The following CD1B variants were observed in gnomAD, a reference collection of about 807,000 sequenced individuals.
The protein encoded by CD1B is CD1b molecule.
In CD1B, 43 loss-of-function variants were observed where a neutral mutation model predicts 39.8. That is an observed-to-expected ratio of 1.08 (90% confidence interval 0.85 to 1.39). The LOEUF (loss-of-function observed/expected upper bound fraction) is 1.39. Among genes scored for constraint, CD1B ranks in the 40% most tolerant of loss-of-function variants. The pLI, the probability that CD1B is intolerant of heterozygous loss-of-function variation, is 0.00. For synonymous variants in CD1B, 192 were observed against 152.5 expected (o/e 1.26, Z -1.91); for missense variants, 495 against 403.8 (o/e 1.23, Z -1.94).
the CD1B span, among the ~76,000 whole-genome samples, chr1:158,316,974 A>T: frequency 1.3e-5 from 2 of 151,374 alleles, no homozygotes; most frequent in South Asian, 4.2e-4. Flanking sequence ...TGATTTGCGT[A>T]TATTGAACCA....
chr1:158,321,199 T>G, the CD1B span, among the ~76,000 whole-genome samples: 1 of 152,234 alleles, frequency 6.6e-6, no homozygotes, highest in Non-Finnish European at 1.5e-5. Context: ...GTTGGGTACA[T>G]GCATATTTAT....
At chr1:158,319,280 C>T in the CD1B span, among the ~76,000 whole-genome samples, 1 of 151,928 alleles carries the variant, frequency 6.6e-6, no homozygotes, top group Non-Finnish European at 1.5e-5. Flanking sequence ...GTTCCATTCT[C>T]CCCGTCACTT....
chr1:158,321,557 T>G, the CD1B span, among the ~76,000 whole-genome samples: 1 of 152,216 alleles, frequency 6.6e-6, no homozygotes, highest in African/African-American at 2.4e-5. Context: ...GTTACTTCTT[T>G]CCTAGTTATT....
At chr1:158,314,746 G>A in the CD1B span, among the ~76,000 whole-genome samples, 26 of 151,660 alleles carry the variant, frequency 1.7e-4, no homozygotes, top group African/African-American at 3.1e-4. Flanking sequence ...ATGCTGGTGC[G>A]CGGCACCCAC....
At chr1:158,316,860 A>G in the CD1B span, among the ~76,000 whole-genome samples, 1 of 151,996 alleles carries the variant, frequency 6.6e-6, no homozygotes, top group African/African-American at 2.4e-5. Context: ...GAGAGTTTTG[A>G]GCATGAAGGG....
chr1:158,318,614 T>A, the CD1B span, among the ~76,000 whole-genome samples: 2,963 of 152,298 alleles, frequency 0.019, 97 homozygotes, highest in African/African-American at 0.067. Context: ...TGACTCTTTA[T>A]CCAATTTGCC....
At chr1:158,300,760 CTT>C in the CD1B span, among the ~76,000 whole-genome samples, 47 of 134,594 alleles carry the variant, frequency 3.5e-4, no homozygotes, top group African/African-American at 1.1e-3. Context: ...CTCTCTCTCT[CTT>C]TTTTTTTTTT....
chr1:158,322,155 T>G, the CD1B span, among the ~76,000 whole-genome samples: 1 of 152,228 alleles, frequency 6.6e-6, no homozygotes, highest in Non-Finnish European at 1.5e-5. Flanking sequence ...GAGCTTTGTA[T>G]TTTTGTATTC....
chr1:158,320,124 C>T, the CD1B span, among the ~76,000 whole-genome samples: 2 of 152,238 alleles, frequency 1.3e-5, no homozygotes, highest in Non-Finnish European at 2.9e-5. Context: ...TGTCTGTGCC[C>T]TGCCCCCAGA....
chr1:158,317,204 T>G, the CD1B span, among the ~76,000 whole-genome samples: 1 of 151,656 alleles, frequency 6.6e-6, no homozygotes, highest in Admixed American at 6.6e-5. Flanking sequence ...ATTCCCTCTT[T>G]TTCTATTGAT....
At chr1:158,312,662 G>T in the CD1B span, among the ~76,000 whole-genome samples, 1 of 152,074 alleles carries the variant, frequency 6.6e-6, no homozygotes, top group South Asian at 2.1e-4. Flanking sequence ...ATATTTTGAT[G>T]TTGGTGAAGG....
the CD1B span, among the ~76,000 whole-genome samples, chr1:158,296,289 G>C: frequency 1.3e-5 from 2 of 152,108 alleles, no homozygotes; most frequent in Admixed American, 6.5e-5. Context: ...TCTGGGCCTG[G>C]TCCCAGGCCC....
the CD1B span, among the ~76,000 whole-genome samples, chr1:158,316,376 C>A: frequency 6.6e-6 from 1 of 151,748 alleles, no homozygotes; most frequent in South Asian, 2.1e-4. Context: ...CCTTCACATC[C>A]CTTGTAAGTT....
chr1:158,287,558 T>G, the CD1B span, among the ~76,000 whole-genome samples: 14 of 152,120 alleles, frequency 9.2e-5, no homozygotes, highest in Non-Finnish European at 1.5e-4. Flanking sequence ...GCCACTCCAT[T>G]TAGGGTCCAG....
At chr1:158,316,747 T>G in the CD1B span, among the ~76,000 whole-genome samples, 7 of 151,312 alleles carry the variant, frequency 4.6e-5, no homozygotes, top group South Asian at 4.2e-4. Context: ...GTTTTCAAAG[T>G]GAATACTTCC....
Position 158,328,238 on chromosome 1 carries a change from A to C in CD1B, c.1000T>G (p.Ter334GlyextTer30). ...GGGAGAGGAGACATGATGATGGCTCATGGGATATTCTGATATGACCTGTTA... is the reference window on the plus strand; with the variant it reads ...GGGAGAGGAGACATGATGATGGCTCCTGGGATATTCTGATATGACCTGTTA... ...MRRRSYQNIP[*>G] is the part of the protein sequence containing the mutation. The change falls in exon 6 of 6, where the codon TGA (stop) becomes GGA (glycine). Residue 334 changes from the stop codon to glycine (G), a stop_lost. Transcript: ENST00000368168. The C allele has an allele frequency of 1.2e-6, 2 of 1,612,474 alleles. No individual in the cohort carries two copies. The highest frequency in any genetic ancestry group is 1.7e-6 in the Non-Finnish European group (2 of 1,178,754).
chr1:158,320,855 C>A, the CD1B span, among the ~76,000 whole-genome samples: 358 of 151,584 alleles, frequency 2.4e-3, 2 homozygotes, highest in African/African-American at 8.0e-3. Context: ...AGTTCTATAC[C>A]ATTATTGTTG....
the CD1B span, among the ~76,000 whole-genome samples, chr1:158,315,428 T>C: frequency 2.0e-5 from 3 of 152,136 alleles, no homozygotes; most frequent in East Asian, 3.9e-4. Flanking sequence ...CATTTTTTAA[T>C]GTGTTTTTTG....
chr1:158,293,138 A>T, the CD1B span: 6 of 1,199,988 alleles, frequency 5.0e-6, no homozygotes, highest in Admixed American at 1.9e-5. Flanking sequence ...TATGTTAAGT[A>T]AGGAAATCAA....
Sources: allele counts gnomAD v4.1 joint callset (sites outside exome capture counted in the v4.1 genomes callset), GRCh38; gene constraint gnomAD v4.1.1; transcripts MANE v1.5; gene names NCBI Gene and HGNC (gene_info 2026-07-23, HGNC 2026-07-21).